The following CSMD1 variants were observed in gnomAD, a reference collection of about 807,000 sequenced individuals.
CSMD1 encodes CUB and Sushi multiple domains 1.
In CSMD1, 213 loss-of-function variants were observed where a neutral mutation model predicts 417.5. The ratio of observed to expected loss-of-function variants is 0.51; its 90% confidence interval spans 0.46 to 0.57. The LOEUF (loss-of-function observed/expected upper bound fraction) is 0.57. Ranked by LOEUF, CSMD1 falls within the 20% of genes least tolerant of loss-of-function variation. The pLI, the probability that CSMD1 is intolerant of heterozygous loss-of-function variation, is 0.00. For synonymous variants in CSMD1, 2,862 were observed against 1,736.8 expected, an observed-to-expected ratio of 1.65 and a Z score of -16.11; for missense variants, 6,923 against 4,529.7, an observed-to-expected ratio of 1.53 and a Z score of -15.17.
chr8:3,176,934 T>C (rs1820971372), intron 37 of CSMD1, among the ~76,000 whole-genome samples: 1 of 151,918 alleles, frequency 6.6e-6, no homozygotes, highest in Admixed American at 6.6e-5. Context: ...GAGGCCACCA[T>C]GCCTGGCTAA....
At chr8:4,280,632 T>A (rs1796729296) in intron 3 of CSMD1, among the ~76,000 whole-genome samples, 1 of 152,228 alleles carries the variant, frequency 6.6e-6, no homozygotes, top group Admixed American at 6.5e-5. Flanking sequence ...AATAACTTTG[T>A]AAATAAATTT....
intron 37 of CSMD1, among the ~76,000 whole-genome samples, chr8:3,164,400 T>A (rs985145718): frequency 6.6e-6 from 1 of 152,202 alleles, no homozygotes; most frequent in Non-Finnish European, 1.5e-5. Flanking sequence ...TTTCAAGCCA[T>A]TGGGGCTTTA....
Position 4,605,276 on chromosome 8 carries a change from AAAG to A in CSMD1, c.302+32063_302+32065del, listed in dbSNP as rs138082067. 2.1e-3 allele frequency among the ~76,000 whole-genome samples: 323 copies of A among 151,892 alleles called. 2 individuals carry two copies. In the Middle Eastern group the frequency reaches 0.051, roughly 24 times the overall value. The stretch of plus-strand genomic sequence containing the variant: ...CCGATGAAGTTTACCTTTAAGAAAA[AAAG>A]AAGAAGAAGAAGAAGAAGAAATTTT... On this transcript the variant is annotated intron_variant, in intron 2 of 69. Transcript: ENST00000635120.
chr8:4,097,180 A>G (rs932805432), intron 3 of CSMD1, among the ~76,000 whole-genome samples: 32 of 152,186 alleles, frequency 2.1e-4, no homozygotes, highest in Non-Finnish European at 7.3e-5. Context: ...TATATGCTCA[A>G]TAAGCAATTG....
chr8:4,290,687 T>G (rs940641882), intron 3 of CSMD1, among the ~76,000 whole-genome samples: 4 of 152,232 alleles, frequency 2.6e-5, no homozygotes, highest in Admixed American at 2.6e-4. Context: ...CAGCTTCAAC[T>G]ACAAAATAAT....
At chr8:4,756,201 T>A (rs893819853) in intron 1 of CSMD1, among the ~76,000 whole-genome samples, 1 of 152,206 alleles carries the variant, frequency 6.6e-6, no homozygotes, top group Non-Finnish European at 1.5e-5. Flanking sequence ...TTGATCTATT[T>A]AACATCTAGC....
intron 2 of CSMD1, among the ~76,000 whole-genome samples, chr8:4,540,351 T>TC (rs973616508): frequency 6.6e-6 from 1 of 151,868 alleles, no homozygotes; most frequent in African/African-American, 2.4e-5. Flanking sequence ...CACCACCTGT[T>TC]CCCCCAAAAC....
At position 3,406,042 on chromosome 8, in the gene CSMD1, C is replaced by A; in HGVS notation, c.2251G>T (p.Val751Leu). 6.2e-7 allele frequency: 1 copy of A among 1,613,710 alleles called. No individual in the cohort carries two copies. ...GGGACTGCACCTTCACAGCGGGGCA[C>A]GGTGGAGCTCCAGACCACGTTCCCG... ...QDGNVVWSST[V>L]PRCEAPCGGH... Residue 751 changes from valine (V) to leucine (L), a missense_variant, in exon 15 of 70, where the codon GTG becomes TTG. By Grantham distance (32) the Val-to-Leu change is conservative (BLOSUM62 1). Transcript: ENST00000635120.
At chr8:3,126,881 G>A (rs1817539952) in intron 41 of CSMD1, among the ~76,000 whole-genome samples, 1 of 152,162 alleles carries the variant, frequency 6.6e-6, no homozygotes, top group African/African-American at 2.4e-5. Context: ...TGCATTGCAA[G>A]AGAGGCTTGC....
At chr8:3,587,166 G>A (rs1351587688) in intron 8 of CSMD1, among the ~76,000 whole-genome samples, 3 of 152,210 alleles carry the variant, frequency 2.0e-5, no homozygotes. Context: ...CTCCAGAGCT[G>A]CATTTGCAAA....
At chr8:3,982,369 C>G (rs1813949841) in intron 5 of CSMD1, among the ~76,000 whole-genome samples, 1 of 151,630 alleles carries the variant, frequency 6.6e-6, no homozygotes, top group Non-Finnish European at 1.5e-5. Context: ...AATCCTTGTA[C>G]AAACCTCCAT....
chr8:3,107,112 G>GCAGA (rs1816197926), intron 45 of CSMD1: 1 of 155,682 alleles, frequency 6.4e-6, no homozygotes, highest in Admixed American at 6.4e-5. Context: ...GAAACACAGG[G>GCAGA]CAGAGTTTTA....
intron 69 of CSMD1, 73 bp downstream of exon 69, chr8:2,942,397 CGA>C: frequency 1.6e-6 from 2 of 1,286,920 alleles, no homozygotes; most frequent in Non-Finnish European, 2.1e-6. Context: ...CATGTGAGCA[CGA>C]GAGCATGCCC....
chr8:4,835,162 A>G (rs948300705), intron 1 of CSMD1, among the ~76,000 whole-genome samples: 3 of 151,878 alleles, frequency 2.0e-5, no homozygotes, highest in African/African-American at 7.3e-5. Context: ...TGGACCCGAG[A>G]AGGTTGGAAA....
chr8:3,428,632 G>A (rs562063955), intron 12 of CSMD1, among the ~76,000 whole-genome samples: 1 of 152,210 alleles, frequency 6.6e-6, no homozygotes, highest in East Asian at 1.9e-4. Flanking sequence ...CAGCCACCAT[G>A]GAAAACAGTA....
chr8:3,154,541 T>A (rs914301224), intron 39 of CSMD1, among the ~76,000 whole-genome samples: 3 of 152,096 alleles, frequency 2.0e-5, no homozygotes, highest in Non-Finnish European at 4.4e-5. Flanking sequence ...AATTCTTGGT[T>A]TTGGCGGGAG....
intron 3 of CSMD1, among the ~76,000 whole-genome samples, chr8:4,045,360 G>C (rs1263943324): frequency 6.6e-6 from 1 of 152,144 alleles, no homozygotes; most frequent in Non-Finnish European, 1.5e-5. Flanking sequence ...CAGACGAACG[G>C]TTTCAAGGAC....
At chr8:4,067,483 CTT>C (rs58259457) in intron 3 of CSMD1, among the ~76,000 whole-genome samples, 6 of 100,958 alleles carry the variant, frequency 5.9e-5, no homozygotes, top group Admixed American at 2.7e-4. Context: ...AAATAAATTA[CTT>C]TTTTTTTTAA....
At chr8:4,721,612 T>G (rs1456532201) in intron 1 of CSMD1, among the ~76,000 whole-genome samples, 3 of 152,208 alleles carry the variant, frequency 2.0e-5, no homozygotes, top group Admixed American at 2.0e-4. Flanking sequence ...TTTGTGTGAA[T>G]ATAGATTGGT....
Sources: allele counts gnomAD v4.1 joint callset (sites outside exome capture counted in the v4.1 genomes callset), GRCh38; gene constraint gnomAD v4.1.1; transcripts MANE v1.5; gene names NCBI Gene and HGNC (gene_info 2026-07-23, HGNC 2026-07-21).